The following SLC6A17 variants were observed in gnomAD, a reference collection of about 807,000 sequenced individuals.
SLC6A17 encodes the protein solute carrier family 6 member 17.
A neutral mutation model predicts 64.5 loss-of-function variants in SLC6A17; 21 were observed. The ratio of observed to expected loss-of-function variants is 0.33; its 90% CI spans 0.23 to 0.47. The LOEUF (loss-of-function observed/expected upper bound fraction) is 0.47, where lower values mean the gene tolerates loss of function less well. SLC6A17 is among the 20% of genes least tolerant of loss of function. SLC6A17 has a pLI of 1.00. For missense variants in SLC6A17, 682 were observed against 963.2 expected (o/e 0.71, Z 3.86); for synonymous variants, 372 against 399.5 (o/e 0.93, Z 0.82).
chr1:110,179,531 C>CTCCCT (rs1656461576), intron 6 of SLC6A17, among the ~76,000 whole-genome samples: 1 of 104,628 alleles, frequency 9.6e-6, no homozygotes, highest in Non-Finnish European at 1.8e-5. Context: ...TCCCCTTCCC[C>CTCCCT]TCCCCTCCCC....
At position 110,174,829 on chromosome 1, in the gene SLC6A17, C is replaced by T. The variant is rs750222964; in HGVS notation, c.622C>T (p.Arg208Ter). 4 of 1,614,178 alleles carry T rather than the reference C, an allele frequency of 2.5e-6. No homozygotes were observed. The highest frequency in any genetic ancestry group is 2.5e-6 in the Non-Finnish European group (3 of 1,180,036). ...KSSATTYFWY[R>*]EALDISDSIS... is the part of the protein sequence containing the mutation. ...CTCAGCCACTACCTACTTCTGGTAC[C>T]GAGAGGCCTTGGACATCTCTGACTC... The change falls in exon 5 of 12, where the codon CGA becomes TGA. Residue 208 changes from arginine (R) to a stop codon, truncating the protein, a stop_gained. Transcript: ENST00000331565. LOFTEE classifies it high-confidence loss of function.
rs770224927 is a variant in SLC6A17, at chr1:110,198,379, G to A, written c.2119G>A (p.Gly707Ser). 107 of 1,613,918 alleles carry A rather than the reference G, an allele frequency of 6.6e-5. No homozygotes were observed. Among genetic ancestry groups the A allele is most frequent in the Non-Finnish European group, 8.2e-5 (97 of 1,180,026 alleles). The change falls in exon 12 of 12, where the codon GGT (glycine) becomes AGT (serine). Residue 707 changes from glycine (G) to serine (S), a missense_variant. Physicochemically the swap from Gly to Ser is moderately conservative, Grantham distance 56 (BLOSUM62 0). Around this residue, in one of 3 missense-constraint regions of SLC6A17, gnomAD observed 264 missense variants for 339.5 expected, o/e 0.78. Coordinates refer to ENST00000331565, the MANE Select transcript of SLC6A17 (RefSeq NM_001010898.4). ...PGSTSPLETS[G>S]NPNGRYGSGY... ...CAGCACATCACCCCTGGAGACCAGC[G>A]GTAACCCCAATGGACGCTATGGGAG...
intron 6 of SLC6A17, among the ~76,000 whole-genome samples, chr1:110,189,253 T>C (rs1410365137): frequency 6.6e-6 from 1 of 152,144 alleles, no homozygotes; most frequent in Admixed American, 6.5e-5. Context: ...AGCTCAACCT[T>C]TGTAGAACTA....
chr1:110,192,318 C>T lies in SLC6A17; in HGVS notation c.1106+105C>T. ...TGCATGGGGAGAGAGGTCCCCTCCA[C>T]TCAGACTGAGGAATGGAGATCAGAG... On this transcript the variant is annotated intron_variant, in intron 7 of 11. Coordinates refer to ENST00000331565, the MANE Select transcript of SLC6A17 (RefSeq NM_001010898.4). This position sits in a 1 kb window ranked among gnomAD's most constrained non-coding sequence, Gnocchi z 4.3. The T allele has an allele frequency of 1.3e-6, 2 of 1,513,372 alleles. No individual in the cohort carries two copies. The highest frequency in any genetic ancestry group is 2.8e-5 in the African/African-American group (2 of 72,558). The allele number at this position is 1,513,372 out of a possible 1,614,324, so 93.7% of individuals were successfully genotyped here.
chr1:110,197,711 C>G (rs1240010587), intron 11 of SLC6A17, 112 bp downstream of exon 11: 1 of 1,267,396 alleles, frequency 7.9e-7, no homozygotes, highest in Non-Finnish European at 1.1e-6. Flanking sequence ...CAGGCCTTGC[C>G]AGGTGCCTCA....
At chr1:110,191,099 C>T (rs759999712) in intron 6 of SLC6A17, among the ~76,000 whole-genome samples, 7 of 152,114 alleles carry the variant, frequency 4.6e-5, no homozygotes, top group South Asian at 2.1e-4. Flanking sequence ...ACGTTCACTC[C>T]GAGACTCTAT....
At position 110,167,164 on chromosome 1, in the gene SLC6A17, G is replaced by A; in HGVS notation, c.235G>A (p.Gly79Ser). ...CCTGGCCCAGATTGGCTTCTCTGTG[G>A]GCCTCGGCAACATCTGGAGGTTCCC... ...YILAQIGFSV[G>S]LGNIWRFPYL... The change falls in exon 2 of 12, where the codon GGC (glycine) becomes AGC (serine). Residue 79 changes from glycine (G) to serine (S), a missense_variant. Coordinates refer to ENST00000331565, the MANE Select transcript of SLC6A17 (RefSeq NM_001010898.4). 6.2e-7 allele frequency: 1 copy of A among 1,613,732 alleles called. No homozygotes were observed. Among genetic ancestry groups the A allele is most frequent in the Non-Finnish European group, 8.5e-7 (1 of 1,179,910 alleles).
At position 110,199,662 on chromosome 1, in the gene SLC6A17, A is replaced by C; in HGVS notation, c.*1218A>C. 1.0e-5 allele frequency: 3 copies of C among 287,186 alleles called. No individual in the cohort carries two copies. Among genetic ancestry groups the C allele is most frequent in the Non-Finnish European group, 1.9e-5 (3 of 154,840 alleles). The allele number at this position is 287,186 out of a possible 1,614,324, so 17.8% of individuals were successfully genotyped here. On this transcript the variant is annotated 3_prime_UTR_variant, in exon 12 of 12. Transcript: ENST00000331565. The stretch of plus-strand genomic sequence containing the variant: ...CAGTGCCATAGGCAGTGCTGTGGAC[A>C]GTAGAGGCTGCCAAAGGCAAGGGCT...
At chr1:110,154,221 C>T (rs1015984101) in intron 1 of SLC6A17, among the ~76,000 whole-genome samples, 2 of 152,178 alleles carry the variant, frequency 1.3e-5, no homozygotes, top group African/African-American at 4.8e-5. Context: ...ATTGCTATCT[C>T]CAGTTTACAG....
At chr1:110,178,683 G>T in intron 6 of SLC6A17, 1 of 153,296 alleles carries the variant, frequency 6.5e-6, no homozygotes, top group South Asian at 1.8e-4. Context: ...ATCTAGTGAG[G>T]ACTCTCTGCT....
chr1:110,197,421 C>A lies in SLC6A17; in HGVS notation c.1653-16C>A, dbSNP rs773920109. ...TGAGGGATGCCAACTGCTGGACCCT[C>A]TGCTATGCCTGGCAGGTTCATGCAG... On this transcript the variant is annotated splice_polypyrimidine_tract_variant and intron_variant, in intron 10 of 11. Coordinates refer to ENST00000331565, the MANE Select transcript of SLC6A17 (RefSeq NM_001010898.4). 6.2e-7 allele frequency: 1 copy of A among 1,603,412 alleles called. No individual in the cohort carries two copies. Among genetic ancestry groups the A allele is most frequent in the South Asian group, 1.1e-5 (1 of 89,094 alleles).
rs759712958 is a variant in SLC6A17, at chr1:110,167,067, C to T, written c.138C>T (p.Gly46=). 2.4e-5 allele frequency: 39 copies of T among 1,609,350 alleles called. No homozygotes were observed. In the East Asian group the frequency reaches 7.8e-4, roughly 32 times the overall value. ...TGAATGTGGCTGGTGAGGCAGGCGG[C>T]AAGCAGAAGGCGGTGGAGGAGGAGC... is the stretch of plus-strand genomic sequence containing the variant. The part of the protein sequence containing the change: ...SVLNVAGEAG[G]KQKAVEEELD... The change falls in exon 2 of 12, where the codon GGC becomes GGT. Residue 46 remains glycine, a synonymous_variant. Transcript: ENST00000331565.
intron 6 of SLC6A17, among the ~76,000 whole-genome samples, chr1:110,180,448 C>T (rs2101851475): frequency 6.6e-6 from 1 of 152,308 alleles, no homozygotes; most frequent in Admixed American, 6.5e-5. Context: ...TTGAGCTGAG[C>T]TGGCTGAGAA....
chr1:110,190,774 G>T (rs1367929048), intron 6 of SLC6A17, among the ~76,000 whole-genome samples: 2 of 152,050 alleles, frequency 1.3e-5, no homozygotes, highest in African/African-American at 4.8e-5. Flanking sequence ...AAAGGTCACA[G>T]GGGAAAATGC....
Position 110,192,635 on chromosome 1 carries a change from G to A in SLC6A17, c.1236G>A (p.Val412=). Residue 412 remains valine (V), a synonymous_variant, in exon 8 of 12, where the codon GTG becomes GTA. Transcript: ENST00000331565. The surrounding 1 kb of genome is among the most constrained non-coding windows in gnomAD (Gnocchi z 4.3). ...AGATGTACAATGTCATCATGACCGTGAAGGAGGACCAGTTCTCAGCCCTGG... is the reference window on the plus strand; with the variant it reads ...AGATGTACAATGTCATCATGACCGTAAAGGAGGACCAGTTCTCAGCCCTGG... ...YMEMYNVIMT[V]KEDQFSALGL... is the part of the protein sequence containing the mutation. 1.9e-6 allele frequency: 3 copies of A among 1,614,206 alleles called. No homozygotes were observed. The East Asian group carries it at 6.7e-5, about 36-fold the overall frequency.
intron 5 of SLC6A17, 92 bp downstream of exon 5, chr1:110,175,052 A>G (rs1315725686): frequency 2.7e-6 from 4 of 1,477,038 alleles, no homozygotes; most frequent in Admixed American, 2.1e-5. Context: ...TGCCCTTTGC[A>G]GGGTCTTCTG....
intron 6 of SLC6A17, among the ~76,000 whole-genome samples, chr1:110,179,441 G>C (rs1656455493): frequency 6.6e-6 from 1 of 151,882 alleles, no homozygotes; most frequent in Non-Finnish European, 1.5e-5. Flanking sequence ...TTCAATTTTT[G>C]CCAATTAGGT....
chr1:110,197,666 T>C, intron 11 of SLC6A17, 67 bp downstream of exon 11: 1 of 1,486,568 alleles, frequency 6.7e-7, no homozygotes, highest in Non-Finnish European at 9.0e-7. Context: ...CAACCACTGA[T>C]AGGGATACAC....
rs941001146 is a variant in SLC6A17, at chr1:110,194,554, G to A, written c.1300-25G>A. 6 of 1,608,132 alleles carry A rather than the reference G, an allele frequency of 3.7e-6. No homozygotes were observed. The African/African-American group carries it at 4.0e-5, about 11-fold the overall frequency. On this transcript the variant is annotated intron_variant, in intron 8 of 11. Coordinates refer to ENST00000331565, the MANE Select transcript of SLC6A17 (RefSeq NM_001010898.4). Reference sequence around the variant, plus strand: ...TCCCCAGGGAGGGGTGACCTCACAGGCCCTGCTTTCCACCCCACCTTCAGT... The same window carrying A: ...TCCCCAGGGAGGGGTGACCTCACAGACCCTGCTTTCCACCCCACCTTCAGT...
Sources: allele counts gnomAD v4.1 joint callset (sites outside exome capture counted in the v4.1 genomes callset), GRCh38; gene constraint gnomAD v4.1.1; regional missense constraint gnomAD v4.1.1; non-coding constraint Gnocchi (gnomAD v3.1); transcripts MANE v1.5; gene names NCBI Gene and HGNC (gene_info 2026-07-23, HGNC 2026-07-21).